Variants in DNAAF11 observed in about 807,000 individuals in gnomAD.
DNAAF11 encodes leucine rich repeat containing 6.
Under a neutral mutation model 60.8 loss-of-function variants are expected in DNAAF11, and 45 were observed. That is an observed-to-expected ratio of 0.74 (90% confidence interval 0.58 to 0.95). The LOEUF (loss-of-function observed/expected upper bound fraction) is 0.95, where lower values mean the gene tolerates loss of function less well. DNAAF11 is among the 40% of genes least tolerant of loss of function. DNAAF11 has a pLI of 0.00. For missense variants in DNAAF11, 546 were observed against 546.2 expected, an observed-to-expected ratio of 1.00 and a Z score of 0.00; for synonymous variants, 191 against 183.5, an observed-to-expected ratio of 1.04 and a Z score of -0.33.
At chr8:132,661,734 T>G in intron 1 of DNAAF11, 107 bp from the exon 2 acceptor site, 1 of 1,207,060 alleles carries the variant, frequency 8.3e-7, no homozygotes, top group Non-Finnish European at 1.2e-6. Context: ...TGCAGTTGAA[T>G]GTCAATTTTC....
chr8:132,653,461 T>C (rs1823231040), intron 3 of DNAAF11, among the ~76,000 whole-genome samples: 1 of 152,086 alleles, frequency 6.6e-6, no homozygotes, highest in Non-Finnish European at 1.5e-5. Context: ...TAGGAACAAT[T>C]ACTAAAGGTA....
At chr8:132,699,065 G>A in the DNAAF11 span, among the ~76,000 whole-genome samples, 25 of 151,234 alleles carry the variant, frequency 1.7e-4, no homozygotes, top group African/African-American at 5.4e-4. Context: ...GGAGGCAGAA[G>A]TTACAGTGAG....
chr8:132,689,679 A>ATG, the DNAAF11 span, among the ~76,000 whole-genome samples: 2 of 151,186 alleles, frequency 1.3e-5, no homozygotes, highest in South Asian at 2.1e-4. Flanking sequence ...ATATACATAT[A>ATG]TGTGTGTGTG....
At chr8:132,604,950 T>C (rs1220210850) in intron 10 of DNAAF11, among the ~76,000 whole-genome samples, 1 of 152,146 alleles carries the variant, frequency 6.6e-6, no homozygotes, top group African/African-American at 2.4e-5. Context: ...TTCATTCCTA[T>C]TGCAATCTAT....
intron 8 of DNAAF11, among the ~76,000 whole-genome samples, chr8:132,613,793 T>C (rs1370470073): frequency 6.6e-6 from 1 of 152,170 alleles, no homozygotes; most frequent in Non-Finnish European, 1.5e-5. Flanking sequence ...CTTGGAAAAG[T>C]TACCCCCTCT....
At chr8:132,692,104 A>G in the DNAAF11 span, among the ~76,000 whole-genome samples, 1 of 151,954 alleles carries the variant, frequency 6.6e-6, no homozygotes, top group Admixed American at 6.6e-5. Flanking sequence ...AAGTAAGAGT[A>G]GAAGTAGGGA....
chr8:132,589,350 T>C (rs1275808331), intron 10 of DNAAF11, among the ~76,000 whole-genome samples: 1 of 152,164 alleles, frequency 6.6e-6, no homozygotes, highest in African/African-American at 2.4e-5. Context: ...ATTTATTTCA[T>C]GGCACTTGGA....
chr8:132,690,116 G>A, the DNAAF11 span, among the ~76,000 whole-genome samples: 1 of 152,192 alleles, frequency 6.6e-6, no homozygotes, highest in African/African-American at 2.4e-5. Flanking sequence ...GAGATTTTTA[G>A]AAAAATTGCA....
Position 132,572,346 on chromosome 8 carries a change from G to A in DNAAF11, c.1361C>T (p.Pro454Leu). The A allele has an allele frequency of 6.2e-7, 1 of 1,613,854 alleles. No homozygotes were observed. Among genetic ancestry groups the A allele is most frequent in the South Asian group, 1.1e-5 (1 of 91,018 alleles). Residue 454 changes from proline to leucine, a missense_variant, in exon 12 of 12, where the codon CCA becomes CTA. By Grantham distance (98) the Pro-to-Leu change is moderately conservative (BLOSUM62 -3). Coordinates refer to ENST00000620350, the MANE Select transcript of DNAAF11 (RefSeq NM_012472.6). The stretch of plus-strand genomic sequence containing the variant: ...CACTTCAGGGTTGTCTTCAAAGGTT[G>A]GGTCTTCCTCACTTGGTATAATTTT... ...EPKIIPSEEDPTFEDNPEVPP... is the reference protein window; with the variant it reads ...EPKIIPSEEDLTFEDNPEVPP...
chr8:132,615,233 CA>C, intron 7 of DNAAF11, 136 bp from the exon 8 acceptor site: 2 of 504,950 alleles, frequency 4.0e-6, no homozygotes, highest in Non-Finnish European at 7.0e-6. Flanking sequence ...AGTGGTTGAA[CA>C]ATCAAATATC....
intron 2 of DNAAF11, among the ~76,000 whole-genome samples, chr8:132,660,894 C>A (rs112398422): frequency 1.3e-5 from 2 of 152,170 alleles, no homozygotes; most frequent in African/African-American, 2.4e-5. Flanking sequence ...TGCAAGTCTA[C>A]GCCACTTTCT....
intron 5 of DNAAF11, among the ~76,000 whole-genome samples, chr8:132,631,755 TA>T (rs1255289336): frequency 1.3e-5 from 2 of 152,056 alleles, no homozygotes; most frequent in Non-Finnish European, 1.5e-5. Flanking sequence ...CTCAGCAAAC[TA>T]TTGCAAGGAC....
upstream of DNAAF11, among the ~76,000 whole-genome samples, chr8:132,679,439 C>T (rs2130937078): frequency 6.6e-6 from 1 of 152,334 alleles, no homozygotes; most frequent in South Asian, 2.1e-4. Context: ...GTAAAGGAAT[C>T]TAGCAGGCTT....
In DNAAF11 at chr8:132,622,485, T is replaced by C. The variant is rs191369946; in HGVS notation, c.914+126A>G. ...GCACCAAATGACATTATTTTTAGAC[T>C]CATCAAACTTGTTAAGAGCAGTCAG... is the stretch of plus-strand genomic sequence containing the variant. On this transcript the variant is annotated intron_variant, in intron 7 of 11. Transcript: ENST00000620350. 1.3e-5 allele frequency: 8 copies of C among 637,556 alleles called. No homozygotes were observed. In the East Asian group the frequency reaches 2.2e-4, roughly 17 times the overall value. 39.5% of individuals were successfully genotyped at this position (637,556 alleles called of 1,614,324 possible). A position where few individuals can be genotyped will look rare whatever the true frequency, so the allele number is the denominator to read the frequency against.
At chr8:132,582,992 G>A (rs1259062521) in intron 11 of DNAAF11, among the ~76,000 whole-genome samples, 3 of 152,180 alleles carry the variant, frequency 2.0e-5, no homozygotes, top group Admixed American at 2.0e-4. Flanking sequence ...GCTTGGTTCT[G>A]ACGGTCTCCA....
chr8:132,631,639 AGACGCCACTGG>A (rs1233717031), intron 5 of DNAAF11, among the ~76,000 whole-genome samples: 1 of 152,216 alleles, frequency 6.6e-6, no homozygotes, highest in Admixed American at 6.5e-5. Context: ...TCAGGATAGC[AGACGCCACTGG>A]GATGAAGAGA....
chr8:132,671,176 C>T (rs990131471), intron 1 of DNAAF11, among the ~76,000 whole-genome samples: 1 of 151,902 alleles, frequency 6.6e-6, no homozygotes, highest in Non-Finnish European at 1.5e-5. Context: ...CAGAGAATAT[C>T]AAATGGAATT....
At chr8:132,661,731 G>T in intron 1 of DNAAF11, 104 bp from the exon 2 acceptor site, 1 of 1,226,366 alleles carries the variant, frequency 8.2e-7, no homozygotes, top group Non-Finnish European at 1.2e-6. Context: ...TTTTGCAGTT[G>T]AATGTCAATT....
the DNAAF11 span, among the ~76,000 whole-genome samples, chr8:132,698,159 C>T: frequency 1.3e-5 from 2 of 152,096 alleles, no homozygotes; most frequent in African/African-American, 2.4e-5. Flanking sequence ...CTATCAACCT[C>T]GCAGCACAAC....
Sources: gnomAD v4.1 joint callset for allele counts (sites outside exome capture counted in the v4.1 genomes callset) on GRCh38, gnomAD v4.1.1 for gene constraint, MANE v1.5 for transcripts, NCBI Gene and HGNC (gene_info 2026-07-23, HGNC 2026-07-21) for gene names.